Variants in CADPS2 observed in about 807,000 individuals in gnomAD.
CADPS2 encodes calcium-dependent secretion activator 2.
Under a neutral mutation model 172.5 loss-of-function variants are expected in CADPS2, and 93 were observed. The observed-to-expected ratio is 0.54, with a 90% CI of 0.46 to 0.64. CADPS2 has a LOEUF of 0.64. Among genes scored for constraint, CADPS2 ranks in the 30% least tolerant of loss-of-function variants. The pLI, the probability that CADPS2 is intolerant of heterozygous loss-of-function variation, is 0.00. For synonymous variants in CADPS2, 546 were observed against 555.2 expected (o/e 0.98, Z 0.23); for missense variants, 1,420 against 1,565.9 (o/e 0.91, Z 1.57).
intron 28 of CADPS2, among the ~76,000 whole-genome samples, chr7:122,336,070 G>A (rs756879196): frequency 5.9e-5 from 9 of 152,114 alleles, no homozygotes; most frequent in Non-Finnish European, 1.3e-4. Flanking sequence ...AAGAAATTCA[G>A]GGTTCTCTCT....
chr7:122,529,005 T>C (rs2061522341), intron 8 of CADPS2, among the ~76,000 whole-genome samples: 1 of 152,112 alleles, frequency 6.6e-6, no homozygotes, highest in Non-Finnish European at 1.5e-5. Flanking sequence ...TTATTATTAA[T>C]ACCAAGTTTT....
chr7:122,859,200 T>C (rs1816218785), intron 1 of CADPS2, among the ~76,000 whole-genome samples: 1 of 152,216 alleles, frequency 6.6e-6, no homozygotes, highest in Non-Finnish European at 1.5e-5. Context: ...AAGTTTATAT[T>C]ATGTTAAAGA....
intron 1 of CADPS2, among the ~76,000 whole-genome samples, chr7:122,841,189 A>C (rs907790132): frequency 7.9e-5 from 12 of 152,184 alleles, no homozygotes; most frequent in Non-Finnish European, 1.2e-4. Context: ...TGACAAAATA[A>C]ATCAAAACTT....
chr7:122,843,236 T>C (rs1811066380), intron 1 of CADPS2, among the ~76,000 whole-genome samples: 1 of 145,426 alleles, frequency 6.9e-6, no homozygotes, highest in Non-Finnish European at 1.5e-5. Flanking sequence ...TAAGAGTTGC[T>C]TTTTTTTTTG....
At chr7:122,880,519 T>C (rs1345237755) in intron 1 of CADPS2, among the ~76,000 whole-genome samples, 1 of 152,222 alleles carries the variant, frequency 6.6e-6, no homozygotes, top group Non-Finnish European at 1.5e-5. Flanking sequence ...CACTTGTTAT[T>C]GCCAATACTT....
chr7:122,697,426 G>A (rs546011679), intron 2 of CADPS2, among the ~76,000 whole-genome samples: 22 of 152,084 alleles, frequency 1.4e-4, no homozygotes, highest in African/African-American at 5.1e-4. Context: ...TTCTGTATTA[G>A]AACATATTAC....
chr7:122,707,567 T>C (rs888033439), intron 2 of CADPS2, among the ~76,000 whole-genome samples: 1 of 151,912 alleles, frequency 6.6e-6, no homozygotes, highest in Non-Finnish European at 1.5e-5. Context: ...AGAGCTATAA[T>C]ATCATGAGAG....
intron 1 of CADPS2, among the ~76,000 whole-genome samples, chr7:122,867,137 C>T (rs974265251): frequency 2.6e-5 from 4 of 152,120 alleles, no homozygotes; most frequent in Admixed American, 6.6e-5. Flanking sequence ...CCCTGACCAC[C>T]CTATCTAAAA....
At chr7:122,793,772 T>G (rs1158529631) in intron 1 of CADPS2, among the ~76,000 whole-genome samples, 1 of 152,162 alleles carries the variant, frequency 6.6e-6, no homozygotes, top group African/African-American at 2.4e-5. Context: ...GTAATGATCT[T>G]TCCTTTCCAG....
intron 1 of CADPS2, among the ~76,000 whole-genome samples, chr7:122,804,828 T>C (rs1798438189): frequency 6.6e-6 from 1 of 152,202 alleles, no homozygotes; most frequent in African/African-American, 2.4e-5. Flanking sequence ...ATGCTGCCTA[T>C]AGAAATTCTT....
chr7:122,811,194 A>G (rs982541091), intron 1 of CADPS2, among the ~76,000 whole-genome samples: 6 of 152,210 alleles, frequency 3.9e-5, no homozygotes, highest in African/African-American at 1.2e-4. Flanking sequence ...ATCTCATTCA[A>G]TTCTTCTAGT....
chr7:122,472,280 TA>T (rs1172725260), intron 13 of CADPS2, among the ~76,000 whole-genome samples: 1 of 149,782 alleles, frequency 6.7e-6, no homozygotes, highest in East Asian at 2.0e-4. Flanking sequence ...TAGAGAGTTT[TA>T]AAAGGGGGCA....
chr7:122,325,742 A>G (rs1269765991), intron 28 of CADPS2, among the ~76,000 whole-genome samples, 161 bp from the exon 29 acceptor site: 1 of 152,130 alleles, frequency 6.6e-6, no homozygotes, highest in Non-Finnish European at 1.5e-5. Flanking sequence ...CTGTTAACAG[A>G]ATTGTATGCT....
At chr7:122,802,581 C>T (rs1005892387) in intron 1 of CADPS2, among the ~76,000 whole-genome samples, 2 of 152,136 alleles carry the variant, frequency 1.3e-5, no homozygotes, top group African/African-American at 4.8e-5. Context: ...GATGTTTATC[C>T]TCTAAACAAC....
rs191232989 is a variant in CADPS2 at position 122,381,493 on chromosome 7, G to A, written c.3313-2051C>T. On this transcript the variant is annotated intron_variant, in intron 24 of 29. Transcript: ENST00000449022. ...AACTTCCATTTTTTGAATTCAAAGT[G>A]ATCAAATGTCATCAGAAAGCTATTG... Among the ~76,000 whole-genome samples, 9 of 152,194 alleles carry A rather than the reference G, an allele frequency of 5.9e-5. No homozygotes were observed. The East Asian group carries it at 1.5e-3, about 26-fold the overall frequency.
chr7:122,780,714 G>A (rs1010530097), intron 1 of CADPS2, among the ~76,000 whole-genome samples: 1 of 152,018 alleles, frequency 6.6e-6, no homozygotes, highest in Non-Finnish European at 1.5e-5. Flanking sequence ...TCACTATGCT[G>A]CCCAGCTGGT....
chr7:122,400,413 G>C (rs140930525), intron 20 of CADPS2, among the ~76,000 whole-genome samples: 1 of 151,684 alleles, frequency 6.6e-6, no homozygotes, highest in South Asian at 2.1e-4. Flanking sequence ...CTCCAGCCTG[G>C]GCAATAAGAG....
intron 1 of CADPS2, among the ~76,000 whole-genome samples, chr7:122,800,386 C>G (rs913900510): frequency 3.3e-5 from 5 of 152,122 alleles, no homozygotes; most frequent in African/African-American, 1.2e-4. Flanking sequence ...AACAGATAAG[C>G]TTTTAAAATA....
chr7:122,716,423 C>A (rs968515154), intron 2 of CADPS2, among the ~76,000 whole-genome samples: 3 of 152,092 alleles, frequency 2.0e-5, no homozygotes, highest in East Asian at 3.9e-4. Context: ...TACTCCTAGA[C>A]AAAATCCCTT....
Sources: allele counts gnomAD v4.1 joint callset (sites outside exome capture counted in the v4.1 genomes callset), GRCh38; gene constraint gnomAD v4.1.1; transcripts MANE v1.5; gene names NCBI Gene and HGNC (gene_info 2026-07-23, HGNC 2026-07-21).